The following OSBPL2 variants were observed in gnomAD, a reference collection of about 807,000 sequenced individuals.
OSBPL2 encodes oxysterol binding protein like 2, also known as oxysterol-binding protein-related protein 2.
In OSBPL2, 18 loss-of-function variants were observed where a neutral mutation model predicts 58.4. The observed-to-expected ratio is 0.31, with a 90% CI of 0.21 to 0.46. The LOEUF (loss-of-function observed/expected upper bound fraction) is 0.46. OSBPL2 is among the 20% of genes least tolerant of loss of function. The probability of loss-of-function intolerance (pLI) is 1.00; values close to 1 mark genes in which losing one functional copy is unlikely to be tolerated. For synonymous variants in OSBPL2, 221 were observed against 234.1 expected, an observed-to-expected ratio of 0.94 and a Z score of 0.51; for missense variants, 461 against 616.5, an observed-to-expected ratio of 0.75 and a Z score of 2.67.
At chr20:62,246,703 G>GCCCC (rs1336675696) in intron 1 of OSBPL2, among the ~76,000 whole-genome samples, 3 of 152,170 alleles carry the variant, frequency 2.0e-5, no homozygotes, top group Admixed American at 1.3e-4. Flanking sequence ...CTGCGCCCCT[G>GCCCC]TCCCTCAGCC....
rs60622969 is a variant in OSBPL2, at chr20:62,238,609, C to T, written c.-129+12C>T. ...GGACCCGCGTCCAGGTGAGTGGCCC[C>T]CGCCGCCGCCACGCGAAGGCCCGGG... is the stretch of plus-strand genomic sequence containing the variant. On this transcript the variant is annotated intron_variant, in intron 1 of 13. Transcript: ENST00000313733. The T allele has an allele frequency of 0.37, 55,100 of 148,048 alleles. 11,618 individuals are homozygous for T. Among genetic ancestry groups the T allele is most frequent in the East Asian group, 0.5 (2,493 of 4,976 alleles). The allele number at this position is 148,048 out of a possible 1,614,324, so 9.2% of individuals were successfully genotyped here.
intron 10 of OSBPL2, 110 bp from the exon 11 acceptor site, chr20:62,286,473 G>C (rs1368598338): frequency 8.3e-7 from 1 of 1,205,646 alleles, no homozygotes. Context: ...GGAGAAGGCT[G>C]CCTGGCTCTG....
At chr20:62,287,324 C>G (rs1432393601) in intron 11 of OSBPL2, among the ~76,000 whole-genome samples, 4 of 152,044 alleles carry the variant, frequency 2.6e-5, no homozygotes, top group Non-Finnish European at 5.9e-5. Flanking sequence ...GCAACTTATG[C>G]AATTTTGTAC....
In OSBPL2 at chr20:62,285,793, G is replaced by T. The variant is rs1015383681; in HGVS notation, c.997-790G>T. The T allele has an allele frequency of 5.9e-5, 9 of 152,950 alleles. No individual in the cohort carries two copies. The South Asian group carries it at 1.0e-3, about 17-fold the overall frequency. The allele number at this position is 152,950 out of a possible 1,614,324, so 9.5% of individuals were successfully genotyped here. A position where few individuals can be genotyped will look rare whatever the true frequency, so the allele number is the denominator to read the frequency against. On this transcript the variant is annotated intron_variant, in intron 10 of 13. Transcript: ENST00000313733. ...CCGAAGGGAAACACGCCTGGCCACT[G>T]ACTTCCTTCATCTCCACGAAGGGAA...
At chr20:62,242,841 A>C (rs1011874343) in intron 1 of OSBPL2, among the ~76,000 whole-genome samples, 1 of 152,228 alleles carries the variant, frequency 6.6e-6, no homozygotes, top group Non-Finnish European at 1.5e-5. Flanking sequence ...TTGTGGGCTC[A>C]TACGGGGAGT....
chr20:62,279,618 T>G (rs1248347084), intron 7 of OSBPL2: 4 of 493,872 alleles, frequency 8.1e-6, no homozygotes, highest in Non-Finnish European at 1.5e-5. Flanking sequence ...TCCTCACGTC[T>G]GCAGTTGGAA....
chr20:62,279,634 C>G (rs780536596), intron 7 of OSBPL2: 1 of 465,676 alleles, frequency 2.1e-6, no homozygotes, highest in Non-Finnish European at 3.9e-6. Context: ...TGGAACTCAC[C>G]CCGCTTTCCG....
chr20:62,288,514 C>G lies in OSBPL2; in HGVS notation c.1126-693C>G, dbSNP rs1222767679. Among the ~76,000 whole-genome samples, 2 of 114,646 alleles carry G rather than the reference C, an allele frequency of 1.7e-5. No homozygotes were observed. The highest frequency in any genetic ancestry group is 6.9e-5 in the African/African-American group (2 of 29,062). The allele number at this position is 114,646 out of a possible 152,430, so 75.2% of individuals were successfully genotyped here. On this transcript the variant is annotated intron_variant, in intron 11 of 13. Coordinates refer to ENST00000313733, the MANE Select transcript of OSBPL2 (RefSeq NM_144498.4). This position sits in a 1 kb window ranked among gnomAD's most constrained non-coding sequence, Gnocchi z 4.8. ...GCTGGGAGGCTGTGGGTGCAGAGGC[C>G]GGAGGCTGTGGGTGCAGAGGCTGGG... is the stretch of plus-strand genomic sequence containing the variant.
At chr20:62,279,912 G>A in intron 7 of OSBPL2, 1 of 1,286,264 alleles carries the variant, frequency 7.8e-7, no homozygotes, top group Non-Finnish European at 1.0e-6. Context: ...TGGCAGGGGT[G>A]ACTTAGGGTT....
chr20:62,295,876 G>T lies in OSBPL2; in HGVS notation c.*1989G>T, dbSNP rs1983830784. ...GATCATTCCACTTGTTACTGGTTAA[G>T]ATAATTTGCCCACGGGTTTGTTTCC... On this transcript the variant is annotated 3_prime_UTR_variant, in exon 14 of 14. Transcript: ENST00000313733. The surrounding 1 kb of genome is among the most constrained non-coding windows in gnomAD (Gnocchi z 4.8). The T allele has an allele frequency of 6.6e-6, 1 of 152,198 alleles. No individual in the cohort carries two copies. Among genetic ancestry groups the T allele is most frequent in the African/African-American group, 2.4e-5 (1 of 41,438 alleles). 9.4% of individuals were successfully genotyped at this position (152,198 alleles called of 1,614,324 possible).
At chr20:62,241,388 T>G (rs1360478612) in intron 1 of OSBPL2, among the ~76,000 whole-genome samples, 1 of 152,244 alleles carries the variant, frequency 6.6e-6, no homozygotes, top group East Asian at 1.9e-4. Context: ...TCATTAAAGC[T>G]TGCTCGACTT....
rs139929297 is a variant in OSBPL2, at chr20:62,244,087, C to T, written c.-129+5490C>T. Among the ~76,000 whole-genome samples the T allele has an allele frequency of 5.7e-3, 870 of 152,222 alleles. 7 individuals are homozygous for T. Among genetic ancestry groups the T allele is most frequent in the Non-Finnish European group, 8.2e-3 (556 of 67,994 alleles). The stretch of plus-strand genomic sequence containing the variant: ...GGAGCTGAGGCCACAGAGAAGGAGG[C>T]GGCCAGAGGGCAAGGACGCACTCCA... On this transcript the variant is annotated intron_variant, in intron 1 of 13. Transcript: ENST00000313733.
chr20:62,238,992 C>G (rs1423126718), intron 1 of OSBPL2: 2 of 151,894 alleles, frequency 1.3e-5, no homozygotes, highest in Non-Finnish European at 2.9e-5. Flanking sequence ...CGCACCTGCT[C>G]GCGGCCTCGC....
chr20:62,266,524 G>A lies in OSBPL2; in HGVS notation c.258+2833G>A, dbSNP rs552214926. ...GATCCGCAGTGATTGGCTGTGGCTC[G>A]TTCTGGATCTGCAGTGATTGGCTGT... is the stretch of plus-strand genomic sequence containing the variant. On this transcript the variant is annotated intron_variant, in intron 4 of 13. Transcript: ENST00000313733. Among the ~76,000 whole-genome samples, 505 of 151,312 alleles carry A rather than the reference G, an allele frequency of 3.3e-3. 2 individuals are homozygous for A. The highest frequency in any genetic ancestry group is 0.011 in the African/African-American group (435 of 41,206).
intron 7 of OSBPL2, chr20:62,279,818 G>A: frequency 2.4e-6 from 1 of 420,304 alleles, no homozygotes; most frequent in Non-Finnish European, 3.2e-6. Context: ...GCTTGCTGCA[G>A]GGCACTGCCT....
intron 12 of OSBPL2, among the ~76,000 whole-genome samples, chr20:62,290,819 A>G (rs1983461566): frequency 7.0e-6 from 1 of 142,634 alleles, no homozygotes; most frequent in Admixed American, 7.1e-5. Context: ...GCTCACTGCA[A>G]CCTCTGCTCA....
At chr20:62,254,777 G>A (rs531037332) in intron 1 of OSBPL2, among the ~76,000 whole-genome samples, 1 of 152,234 alleles carries the variant, frequency 6.6e-6, no homozygotes, top group Non-Finnish European at 1.5e-5. Context: ...TTCATCAAAC[G>A]CTGCTTTTCC....
chr20:62,245,070 G>T (rs540216800), intron 1 of OSBPL2, among the ~76,000 whole-genome samples: 1 of 152,086 alleles, frequency 6.6e-6, no homozygotes, highest in Non-Finnish European at 1.5e-5. Flanking sequence ...GTCCACGCTG[G>T]TGTCTTAGGA....
At chr20:62,257,076 G>C (rs1230987553) in intron 2 of OSBPL2, among the ~76,000 whole-genome samples, 2 of 152,268 alleles carry the variant, frequency 1.3e-5, no homozygotes, top group Non-Finnish European at 2.9e-5. Flanking sequence ...CCAGGAATTA[G>C]TGATGATCTT....
Sources: gnomAD v4.1 joint callset for allele counts (sites outside exome capture counted in the v4.1 genomes callset) on GRCh38, gnomAD v4.1.1 for gene constraint, Gnocchi (gnomAD v3.1) non-coding constraint, MANE v1.5 for transcripts, NCBI Gene and HGNC (gene_info 2026-07-23, HGNC 2026-07-21) for gene names.